The following CNTNAP3B variants were observed in gnomAD, a reference collection of about 807,000 sequenced individuals.
The protein encoded by CNTNAP3B is contactin-associated protein-like 3B.
In CNTNAP3B, 25 loss-of-function variants were observed where a neutral mutation model predicts 108.9. The ratio of observed to expected loss-of-function variants is 0.23; its 90% confidence interval spans 0.17 to 0.32. The LOEUF is 0.32. CNTNAP3B is among the 10% of genes least tolerant of loss of function. The pLI, the probability that CNTNAP3B is intolerant of heterozygous loss-of-function variation, is 1.00. For synonymous variants in CNTNAP3B, 103 were observed against 473.4 expected (o/e 0.22, Z 10.16); for missense variants, 252 against 1,210.4 (o/e 0.21, Z 11.75).
Position 42,096,258 on chromosome 9 carries a change from C to A in CNTNAP3B, c.196+8371G>T, listed in dbSNP as rs184125600. 2.2e-5 allele frequency among the ~76,000 whole-genome samples: 3 copies of A among 139,120 alleles called. 1 individual carries two copies. Among genetic ancestry groups the A allele is most frequent in the Non-Finnish European group, 4.6e-5 (3 of 64,826 alleles). The allele number at this position is 139,120 out of a possible 152,430, so 91.3% of individuals were successfully genotyped here. Reference sequence around the variant, plus strand: ...GTGAAGACTTCCATTAAGCCACCACCGGCAAGGCTCTGCTTGAGAGCAGAG... The same window carrying A: ...GTGAAGACTTCCATTAAGCCACCACAGGCAAGGCTCTGCTTGAGAGCAGAG... On this transcript the variant is annotated intron_variant, in intron 2 of 23. Transcript: ENST00000377561.
chr9:41,999,478 T>C (rs1825959406), intron 4 of CNTNAP3B, among the ~76,000 whole-genome samples: 1 of 82,970 alleles, frequency 1.2e-5, no homozygotes, highest in South Asian at 4.4e-4. Flanking sequence ...TACCTAGGAC[T>C]TGCCAGTCCT....
At chr9:42,060,060 T>C (rs1416186693) in intron 3 of CNTNAP3B, among the ~76,000 whole-genome samples, 1 of 149,174 alleles carries the variant, frequency 6.7e-6, no homozygotes, top group East Asian at 2.0e-4. Context: ...TTCAGTACTG[T>C]GTTGAAAGAA....
intron 3 of CNTNAP3B, among the ~76,000 whole-genome samples, chr9:42,020,362 T>A (rs1469538030): frequency 6.6e-6 from 1 of 151,914 alleles, no homozygotes; most frequent in African/African-American, 2.4e-5. Context: ...TCACATTAGT[T>A]AAATGTTAAA....
intron 13 of CNTNAP3B, among the ~76,000 whole-genome samples, chr9:41,951,915 A>G (rs1368382470): frequency 1.3e-5 from 2 of 152,238 alleles, no homozygotes; most frequent in East Asian, 3.8e-4. Context: ...CGTCTCTACT[A>G]AAAATACAAA....
rs550499556 is a variant in CNTNAP3B, at chr9:41,972,444, C to T, written c.1478-2199G>A. 3.2e-3 allele frequency among the ~76,000 whole-genome samples: 417 copies of T among 130,832 alleles called. 75 individuals carry two copies. The highest frequency in any genetic ancestry group is 0.012 in the African/African-American group (394 of 32,050). 85.8% of individuals were successfully genotyped at this position (130,832 alleles called of 152,430 possible). On this transcript the variant is annotated intron_variant, in intron 9 of 23. Coordinates refer to ENST00000377561, the MANE Select transcript of CNTNAP3B (RefSeq NM_001201380.3). ...GAATAAATGAAGCACCTCTCAATGC[C>T]TGTACTCTTATTTCCTCCCTAAAAG...
intron 3 of CNTNAP3B, among the ~76,000 whole-genome samples, chr9:42,018,688 C>T (rs866860463): frequency 9.9e-3 from 1,497 of 151,386 alleles, no homozygotes; most frequent in South Asian, 0.04. Context: ...TCAAAGACTT[C>T]AGCTCAGTTT....
intron 13 of CNTNAP3B, among the ~76,000 whole-genome samples, chr9:41,945,831 T>A (rs1266479939): frequency 3.5e-4 from 53 of 152,212 alleles, no homozygotes; most frequent in African/African-American, 1.1e-3. Context: ...TCCACCTACA[T>A]GTTGTCTACT....
chr9:41,925,434 A>C (rs1181703487), intron 15 of CNTNAP3B, among the ~76,000 whole-genome samples: 1 of 152,180 alleles, frequency 6.6e-6, no homozygotes, highest in Non-Finnish European at 1.5e-5. Context: ...TCTACTAAAA[A>C]TACAAAAAAT....
chr9:42,001,261 G>T (rs1298364071), intron 4 of CNTNAP3B, among the ~76,000 whole-genome samples: 1 of 95,546 alleles, frequency 1.0e-5, no homozygotes, highest in African/African-American at 4.8e-5. Flanking sequence ...ACCAGCCTGG[G>T]CAGCATGGCA....
At chr9:42,041,286 C>T (rs1171620427) in intron 3 of CNTNAP3B, among the ~76,000 whole-genome samples, 4 of 143,394 alleles carry the variant, frequency 2.8e-5, no homozygotes, top group African/African-American at 8.1e-5. Flanking sequence ...AAACTACCAT[C>T]AGAGTGAACA....
chr9:42,105,465 T>C (rs4120174), intron 1 of CNTNAP3B, among the ~76,000 whole-genome samples: 9,700 of 28,190 alleles, frequency 0.34, 3,032 homozygotes, highest in Non-Finnish European at 0.47. Flanking sequence ...CACCATGTCA[T>C]CCTCACCTCA....
Position 42,124,931 on chromosome 9 carries a change from C to T in CNTNAP3B, c.85+4079G>A, listed in dbSNP as rs1828535799. ...TAGGTAAAATGCATCAATTTAACTACACTTACTTATTCTGAGTTTTTCTAT... is the reference window on the plus strand; with the variant it reads ...TAGGTAAAATGCATCAATTTAACTATACTTACTTATTCTGAGTTTTTCTAT... On this transcript the variant is annotated intron_variant, in intron 1 of 23. Transcript: ENST00000377561. Among the ~76,000 whole-genome samples the T allele has an allele frequency of 2.2e-5, 3 of 138,360 alleles. 1 individual carries two copies. Among genetic ancestry groups the T allele is most frequent in the African/African-American group, 8.6e-5 (3 of 34,704 alleles). The allele number at this position is 138,360 out of a possible 152,430, so 90.8% of individuals were successfully genotyped here.
At chr9:41,934,122 T>TATATATATATATATATATATATATACAC (rs1214326050) in intron 14 of CNTNAP3B, among the ~76,000 whole-genome samples, 130 of 73,000 alleles carry the variant, frequency 1.8e-3, no homozygotes, top group African/African-American at 6.4e-3. Flanking sequence ...TATATATATA[T>TATATATATATATATATATATATATACAC]ACACACACAT....
chr9:41,993,950 T>C (rs1339428832), intron 7 of CNTNAP3B: 1 of 142,622 alleles, frequency 7.0e-6, no homozygotes, highest in East Asian at 2.1e-4. Context: ...AATTAGTAAA[T>C]AGTTTTCTTG....
At chr9:42,088,488 A>T (rs1564192917) in intron 2 of CNTNAP3B, among the ~76,000 whole-genome samples, 2 of 139,054 alleles carry the variant, frequency 1.4e-5, no homozygotes, top group African/African-American at 5.7e-5. Context: ...TGAATTTTAA[A>T]GTTACATATG....
chr9:41,924,654 C>CACACACAT (rs1823760854), intron 15 of CNTNAP3B, among the ~76,000 whole-genome samples: 1 of 22,774 alleles, frequency 4.4e-5, no homozygotes, highest in African/African-American at 8.8e-5. Flanking sequence ...TGCACACACA[C>CACACACAT]ACACACACAC....
intron 18 of CNTNAP3B, among the ~76,000 whole-genome samples, chr9:41,915,914 C>T (rs1485639742): frequency 1.3e-5 from 2 of 151,146 alleles, no homozygotes; most frequent in Admixed American, 6.6e-5. Flanking sequence ...TCTAAGCTTG[C>T]ATTATATATA....
rs1399451950 is a variant in CNTNAP3B at position 42,118,477 on chromosome 9, C to G, written c.85+10533G>C. ...AAAGGCCTTTGACAAAATTCAAAGA[C>G]GCTTCATGCTAAAAACTCTCAACAA... On this transcript the variant is annotated intron_variant, in intron 1 of 23. Coordinates refer to ENST00000377561, the MANE Select transcript of CNTNAP3B (RefSeq NM_001201380.3). Among the ~76,000 whole-genome samples, 3 of 136,770 alleles carry G rather than the reference C, an allele frequency of 2.2e-5. 1 individual carries two copies. Among genetic ancestry groups the G allele is most frequent in the African/African-American group, 8.8e-5 (3 of 34,180 alleles). The allele number at this position is 136,770 out of a possible 152,430, so 89.7% of individuals were successfully genotyped here. A position where few individuals can be genotyped will look rare whatever the true frequency, so the allele number is the denominator to read the frequency against.
At chr9:41,942,343 G>A (rs1587127697) in intron 13 of CNTNAP3B, among the ~76,000 whole-genome samples, 1 of 152,284 alleles carries the variant, frequency 6.6e-6, no homozygotes. Context: ...GGGTGAGGTG[G>A]CTCAAGCCTG....
Sources: gnomAD v4.1 joint callset for allele counts (sites outside exome capture counted in the v4.1 genomes callset) on GRCh38, gnomAD v4.1.1 for gene constraint, MANE v1.5 for transcripts, NCBI Gene and HGNC (gene_info 2026-07-23, HGNC 2026-07-21) for gene names.